Variants in ADAP1 observed in about 807,000 individuals in gnomAD.
ADAP1 encodes arf-GAP with dual PH domain-containing protein 1.
In ADAP1, 31 loss-of-function variants were observed where a neutral mutation model predicts 54.9. That is an observed-to-expected ratio of 0.56 (90% CI 0.42 to 0.76). The LOEUF (loss-of-function observed/expected upper bound fraction) is 0.76. ADAP1 is among the 30% of genes least tolerant of loss of function. ADAP1 has a pLI of 0.00. For missense variants in ADAP1, 535 were observed against 512.4 expected (o/e 1.04, Z -0.42); for synonymous variants, 313 against 202.6 (o/e 1.55, Z -4.63).
chr7:933,486 CCGGGGGCCGGGGT>C lies in ADAP1; in HGVS notation c.213+1876_213+1888del, dbSNP rs1846649651. Among the ~76,000 whole-genome samples, 2 of 47,600 alleles carry C rather than the reference CCGGGGGCCGGGGT, an allele frequency of 4.2e-5. 1 individual carries two copies. Among genetic ancestry groups the C allele is most frequent in the Non-Finnish European group, 1.3e-4 (2 of 15,414 alleles). 31.2% of individuals were successfully genotyped at this position (47,600 alleles called of 152,430 possible). A position where few individuals can be genotyped will look rare whatever the true frequency, so the allele number is the denominator to read the frequency against. On this transcript the variant is annotated intron_variant, in intron 2 of 10. Transcript: ENST00000265846. The stretch of plus-strand genomic sequence containing the variant: ...GGCAGGGGTCAGTGGTGCTGGAGAG[CCGGGGGCCGGGGT>C]CAGTGGTGCTGGAGAGCCGGGGGCC...
rs186762422 is a variant in ADAP1 at position 944,832 on chromosome 7, T to C, written c.83-9327A>G. Among the ~76,000 whole-genome samples the C allele has an allele frequency of 1.4e-4, 21 of 152,240 alleles. No individual in the cohort carries two copies. In the East Asian group the frequency reaches 3.1e-3, roughly 22 times the overall value. ...ATCTTATTCTATTCTTTGTACCCAT[T>C]AACCATCCCCACTCTACCCACCCTG... On this transcript the variant is annotated intron_variant, in intron 1 of 10. Coordinates refer to ENST00000265846, the MANE Select transcript of ADAP1 (RefSeq NM_006869.4).
chr7:951,912 C>CAA (rs1562939908), intron 1 of ADAP1, among the ~76,000 whole-genome samples: 299 of 152,304 alleles, frequency 2.0e-3, no homozygotes, highest in African/African-American at 7.1e-3. Context: ...AGCGATCCTC[C>CAA]GGCCTCGGCC....
intron 2 of ADAP1, among the ~76,000 whole-genome samples, chr7:934,441 G>A (rs1382828243): frequency 1.3e-5 from 2 of 152,066 alleles, no homozygotes; most frequent in Non-Finnish European, 2.9e-5. Flanking sequence ...ATGTACAGGA[G>A]GCCACCAGCC....
chr7:954,335 C>A (rs1402847100), intron 1 of ADAP1, 61 bp downstream of exon 1: 6 of 1,005,892 alleles, frequency 6.0e-6, no homozygotes, highest in Non-Finnish European at 5.9e-6. Flanking sequence ...CCAGGACCCG[C>A]CCGGCACCCC....
chr7:898,410 A>G lies in ADAP1; in HGVS notation c.*511T>C, dbSNP rs1844608229. The G allele has an allele frequency of 5.2e-6, 1 of 192,086 alleles. No individual in the cohort carries two copies. Among genetic ancestry groups the G allele is most frequent in the Admixed American group, 5.3e-5 (1 of 18,810 alleles). The allele number at this position is 192,086 out of a possible 1,614,324, so 11.9% of individuals were successfully genotyped here. A position where few individuals can be genotyped will look rare whatever the true frequency, so the allele number is the denominator to read the frequency against. Reference sequence around the variant, plus strand: ...GGGACCTGTGTGGATAATCCACCCAAACACCCCACGGCCCTCATAGCCCCG... The same window carrying G: ...GGGACCTGTGTGGATAATCCACCCAGACACCCCACGGCCCTCATAGCCCCG... On this transcript the variant is annotated 3_prime_UTR_variant, in exon 11 of 11. Coordinates refer to ENST00000265846, the MANE Select transcript of ADAP1 (RefSeq NM_006869.4).
intron 3 of ADAP1, among the ~76,000 whole-genome samples, chr7:921,683 AC>A (rs1400657437): frequency 2.6e-5 from 4 of 152,180 alleles, no homozygotes; most frequent in Non-Finnish European, 5.9e-5. Context: ...TTCGGGGGAC[AC>A]CGTGCAGCTG....
rs1562903461 is a variant in ADAP1 at position 898,639 on chromosome 7, C to G, written c.*282G>C. On this transcript the variant is annotated 3_prime_UTR_variant, in exon 11 of 11. Coordinates refer to ENST00000265846, the MANE Select transcript of ADAP1 (RefSeq NM_006869.4). ...CTGAGCTCGGGAGCCAGACTGGGCC[C>G]TGGAGGAAAGGGGGCCCCGGGTCAG... The G allele has an allele frequency of 3.9e-6, 2 of 511,762 alleles. No homozygotes were observed. The highest frequency in any genetic ancestry group is 6.5e-5 in the Admixed American group (2 of 30,942). The allele number at this position is 511,762 out of a possible 1,614,324, so 31.7% of individuals were successfully genotyped here.
intron 3 of ADAP1, among the ~76,000 whole-genome samples, chr7:925,039 G>A (rs1846335157): frequency 6.6e-6 from 1 of 152,022 alleles, no homozygotes; most frequent in African/African-American, 2.4e-5. Context: ...GCACGGGGCT[G>A]AGTCGCCAGC....
At chr7:929,478 C>T (rs774439441) in intron 2 of ADAP1, among the ~76,000 whole-genome samples, 5 of 139,632 alleles carry the variant, frequency 3.6e-5, no homozygotes, top group Middle Eastern at 3.7e-3. Context: ...CCTGGGAGTT[C>T]GGGACCAGCT....
At chr7:914,025 G>A (rs1015089928) in intron 4 of ADAP1, among the ~76,000 whole-genome samples, 3 of 152,248 alleles carry the variant, frequency 2.0e-5, no homozygotes, top group Non-Finnish European at 4.4e-5. Context: ...GCCTTCCTCA[G>A]CCATGGTCCT....
chr7:905,560 A>AGAAGGGAGAAGGGAGAAGGGAGAAAGG (rs1562912269), intron 4 of ADAP1: 2 of 9,280 alleles, frequency 2.2e-4, no homozygotes, highest in South Asian at 5.7e-3. Context: ...GGGAGAAAGG[A>AGAAGGGAGAAGGGAGAAGGGAGAAAGG]GAAAGGAGAA....
At chr7:933,211 C>T (rs1846637869) in intron 2 of ADAP1, among the ~76,000 whole-genome samples, 1 of 150,944 alleles carries the variant, frequency 6.6e-6, no homozygotes, top group African/African-American at 2.4e-5. Flanking sequence ...GTGGAGCTTG[C>T]AGTGAGCCGA....
chr7:934,980 G>C (rs1478966456), intron 2 of ADAP1, among the ~76,000 whole-genome samples: 2 of 152,228 alleles, frequency 1.3e-5, no homozygotes, highest in Non-Finnish European at 2.9e-5. Flanking sequence ...CCCTGACTCT[G>C]GGTCGTGCCG....
chr7:928,941 C>T (rs1213559477), intron 2 of ADAP1, among the ~76,000 whole-genome samples: 1 of 152,200 alleles, frequency 6.6e-6, no homozygotes, highest in Non-Finnish European at 1.5e-5. Context: ...GCTCCGTGAA[C>T]GGAACCACAG....
intron 2 of ADAP1, among the ~76,000 whole-genome samples, chr7:931,785 A>AC (rs1396812316): frequency 2.6e-5 from 4 of 151,848 alleles, no homozygotes; most frequent in South Asian, 2.1e-4. Context: ...AAAAAAAAAA[A>AC]AAACATAAAA....
chr7:904,943 C>CG (rs151134913), intron 5 of ADAP1, 117 bp downstream of exon 5: 18,205 of 848,812 alleles, frequency 0.021, 228 homozygotes, highest in African/African-American at 0.053. Context: ...GCGTCCCCAT[C>CG]GGGGGGGGCA....
At chr7:900,473 T>TCCCCCCCCCCCCC in intron 7 of ADAP1, 60 bp downstream of exon 7, 1 of 1,486,584 alleles carries the variant, frequency 6.7e-7, no homozygotes, top group Non-Finnish European at 9.2e-7. Flanking sequence ...GAGGGCTCCG[T>TCCCCCCCCCCCCC]CCACCCCCCA....
At chr7:904,368 G>A in intron 5 of ADAP1, 96 bp from the exon 6 acceptor site, 1 of 1,449,964 alleles carries the variant, frequency 6.9e-7, no homozygotes, top group East Asian at 2.4e-5. Context: ...CGGCGCACCT[G>A]CTGTGCTGTG....
Position 920,760 on chromosome 7 carries a change from G to T in ADAP1, c.306-710C>A, listed in dbSNP as rs1158191445. ...TCCCTGCCCAGAGCCACCCACCACGGCCTCCCCATCCACCGTGACTCACTC... is the reference window on the plus strand; with the variant it reads ...TCCCTGCCCAGAGCCACCCACCACGTCCTCCCCATCCACCGTGACTCACTC... On this transcript the variant is annotated intron_variant, in intron 3 of 10. Transcript: ENST00000265846. This position sits in a 1 kb window ranked among gnomAD's most constrained non-coding sequence, Gnocchi z 4.5. 1 of 1,543,346 alleles carries T rather than the reference G, an allele frequency of 6.5e-7. No homozygotes were observed. Among genetic ancestry groups the T allele is most frequent in the Non-Finnish European group, 8.8e-7 (1 of 1,142,264 alleles).
Sources: allele counts gnomAD v4.1 joint callset (sites outside exome capture counted in the v4.1 genomes callset), GRCh38; gene constraint gnomAD v4.1.1; non-coding constraint Gnocchi (gnomAD v3.1); transcripts MANE v1.5; gene names NCBI Gene and HGNC (gene_info 2026-07-23, HGNC 2026-07-21).